RPS6KC1: variants seen among roughly 807,000 people sequenced by gnomAD.
RPS6KC1 encodes inactive ribosomal protein S6 kinase delta-1.
RPS6KC1 carries 54 observed loss-of-function variants against 103.8 expected under a neutral mutation model. The ratio of observed to expected loss-of-function variants is 0.52; its 90% CI spans 0.42 to 0.65. The LOEUF (loss-of-function observed/expected upper bound fraction) is 0.65. Ranked by LOEUF, RPS6KC1 falls within the 30% of genes least tolerant of loss-of-function variation. RPS6KC1 has a pLI of 0.00. For missense variants in RPS6KC1, 1,151 were observed against 1,253.8 expected, an observed-to-expected ratio of 0.92 and a Z score of 1.24; for synonymous variants, 439 against 438.7, an observed-to-expected ratio of 1.00 and a Z score of -0.01.
chr1:213,535,330 G>A, the RPS6KC1 span, among the ~76,000 whole-genome samples: 3 of 152,334 alleles, frequency 2.0e-5, no homozygotes, highest in Admixed American at 2.0e-4. Context: ...GCAGCAATAC[G>A]TTTGGTGTTG....
chr1:213,546,512 A>C, the RPS6KC1 span: 3 of 152,288 alleles, frequency 2.0e-5, no homozygotes, highest in Non-Finnish European at 4.4e-5. Flanking sequence ...ATGTGGCTGT[A>C]CCCAACATAT....
At chr1:213,097,357 A>AT (rs1173745003) in intron 3 of RPS6KC1, among the ~76,000 whole-genome samples, 13 of 152,166 alleles carry the variant, frequency 8.5e-5, no homozygotes, top group Non-Finnish European at 1.5e-4. Flanking sequence ...CTCAAAAAAA[A>AT]TTTTTTTGAA....
the RPS6KC1 span, among the ~76,000 whole-genome samples, chr1:213,751,616 G>A: frequency 6.6e-6 from 1 of 152,146 alleles, no homozygotes; most frequent in African/African-American, 2.4e-5. Flanking sequence ...GAGCAGGTGA[G>A]TGCCCCAGAG....
the RPS6KC1 span, among the ~76,000 whole-genome samples, chr1:213,634,266 C>T: frequency 9.8e-5 from 15 of 152,326 alleles, no homozygotes; most frequent in Non-Finnish European, 2.1e-4. Flanking sequence ...CCCAAATCAA[C>T]AGAACATACA....
chr1:213,206,060 C>T (rs1456999619), intron 8 of RPS6KC1, among the ~76,000 whole-genome samples: 3 of 152,146 alleles, frequency 2.0e-5, no homozygotes. Flanking sequence ...GCATTCTGTA[C>T]TTGCATTTGA....
chr1:213,092,186 C>T (rs1374516516), intron 3 of RPS6KC1, among the ~76,000 whole-genome samples: 1 of 152,106 alleles, frequency 6.6e-6, no homozygotes, highest in East Asian at 1.9e-4. Context: ...CTGAAAGGCC[C>T]TGCAGGGATC....
chr1:213,649,292 T>C, the RPS6KC1 span, among the ~76,000 whole-genome samples: 22,757 of 148,438 alleles, frequency 0.15, 1,804 homozygotes, highest in Middle Eastern at 0.25. Context: ...ACAATGTCTC[T>C]CCAGTAACTA....
At chr1:213,202,812 T>TA (rs545383381) in intron 8 of RPS6KC1, among the ~76,000 whole-genome samples, 348 of 152,318 alleles carry the variant, frequency 2.3e-3, no homozygotes, top group African/African-American at 8.2e-3. Context: ...ATATTTTAAT[T>TA]ATGATTGTAT....
At chr1:213,167,539 G>T (rs1235604127) in intron 6 of RPS6KC1, among the ~76,000 whole-genome samples, 2 of 150,248 alleles carry the variant, frequency 1.3e-5, no homozygotes, top group East Asian at 3.9e-4. Flanking sequence ...GTTGTATAAT[G>T]TCTGGACTAG....
chr1:213,632,232 T>C, the RPS6KC1 span, among the ~76,000 whole-genome samples: 1 of 152,224 alleles, frequency 6.6e-6, no homozygotes, highest in Admixed American at 6.5e-5. Flanking sequence ...TGTCAGGTTT[T>C]TATGTGAACA....
chr1:213,307,155 C>T, the RPS6KC1 span, among the ~76,000 whole-genome samples: 26 of 150,796 alleles, frequency 1.7e-4, no homozygotes, highest in Middle Eastern at 3.4e-3. Context: ...CTCTGCCTCA[C>T]GGGTTCACGC....
the RPS6KC1 span, among the ~76,000 whole-genome samples, chr1:213,513,548 G>A: frequency 6.6e-6 from 1 of 152,164 alleles, no homozygotes; most frequent in Non-Finnish European, 1.5e-5. Context: ...AATTTTTGGA[G>A]AGCACACAAA....
chr1:213,300,992 C>T, the RPS6KC1 span, among the ~76,000 whole-genome samples: 1 of 152,276 alleles, frequency 6.6e-6, no homozygotes, highest in Non-Finnish European at 1.5e-5. Context: ...ACCCTGCCTC[C>T]TGAAGAAGGT....
intron 5 of RPS6KC1, among the ~76,000 whole-genome samples, chr1:213,117,687 T>C (rs750293435): frequency 6.6e-6 from 1 of 151,650 alleles, no homozygotes; most frequent in South Asian, 2.1e-4. Flanking sequence ...TGATGAAATA[T>C]GGTATAATGA....
chr1:213,349,852 A>AGG, the RPS6KC1 span, among the ~76,000 whole-genome samples: 1 of 152,222 alleles, frequency 6.6e-6, no homozygotes, highest in Admixed American at 6.5e-5. Context: ...GCATGCACTA[A>AGG]AGAGTGGAAT....
At chr1:213,825,656 C>T in the RPS6KC1 span, among the ~76,000 whole-genome samples, 1 of 150,688 alleles carries the variant, frequency 6.6e-6, no homozygotes, top group African/African-American at 2.4e-5. Flanking sequence ...TTGGTGAACC[C>T]CTTGCCAAGC....
the RPS6KC1 span, among the ~76,000 whole-genome samples, chr1:213,580,100 C>A: frequency 4.6e-5 from 7 of 151,962 alleles, 1 homozygote; most frequent in African/African-American, 1.7e-4. Context: ...TGGCTCTGGG[C>A]AAAATAAATT....
At chr1:213,321,806 AAAGCCTTACTGAG>A in the RPS6KC1 span, among the ~76,000 whole-genome samples, 1 of 152,214 alleles carries the variant, frequency 6.6e-6, no homozygotes, top group Non-Finnish European at 1.5e-5. Flanking sequence ...ACACTTAAGG[AAAGCCTTACTGAG>A]AAGATGCCAT....
intron 1 of RPS6KC1, among the ~76,000 whole-genome samples, chr1:213,056,383 C>T (rs2077331814): frequency 1.3e-5 from 2 of 152,132 alleles, no homozygotes; most frequent in African/African-American, 4.8e-5. Flanking sequence ...TGCTTTTAAT[C>T]CCAATGCTAT....
Sources: allele counts gnomAD v4.1 joint callset (sites outside exome capture counted in the v4.1 genomes callset), GRCh38; gene constraint gnomAD v4.1.1; transcripts MANE v1.5; gene names NCBI Gene and HGNC (gene_info 2026-07-23, HGNC 2026-07-21).